ACVRL1: variants seen among roughly 807,000 people sequenced by gnomAD.
The protein encoded by ACVRL1 is activin receptor type-1-like.
In ACVRL1, 20 loss-of-function variants were observed where a neutral mutation model predicts 51.9. The ratio of observed to expected loss-of-function variants is 0.39; its 90% CI spans 0.27 to 0.56. The LOEUF is 0.56. Among genes scored for constraint, ACVRL1 ranks in the 20% least tolerant of loss-of-function variants. The pLI is 0.67. For missense variants in ACVRL1, 451 were observed against 670.3 expected (o/e 0.67, Z 3.61); for synonymous variants, 288 against 280.9 (o/e 1.03, Z -0.25).
At chr12:51,909,524 T>C (rs1184131406) in intron 1 of ACVRL1, among the ~76,000 whole-genome samples, 1 of 151,746 alleles carries the variant, frequency 6.6e-6, no homozygotes, top group Non-Finnish European at 1.5e-5. Flanking sequence ...AAAAACGCTG[T>C]CTTCATTTAA....
Position 51,916,810 on chromosome 12 carries a change from C to T in ACVRL1, c.1246+577C>T, listed in dbSNP as rs941602580. 3.3e-5 allele frequency among the ~76,000 whole-genome samples: 5 copies of T among 152,264 alleles called. No homozygotes were observed. The East Asian group carries it at 9.7e-4, about 29-fold the overall frequency. Reference sequence around the variant, plus strand: ...CCAACATGGCGAAACCCTGTCTGTACTAAAAATACAAAAATTAGCTGGCTG... The same window carrying T: ...CCAACATGGCGAAACCCTGTCTGTATTAAAAATACAAAAATTAGCTGGCTG... On this transcript the variant is annotated intron_variant, in intron 8 of 9. Transcript: ENST00000388922.
At chr12:51,912,146 A>G (rs912317495) in intron 1 of ACVRL1, among the ~76,000 whole-genome samples, 1 of 152,108 alleles carries the variant, frequency 6.6e-6, no homozygotes, top group Admixed American at 6.5e-5. Flanking sequence ...TTCTACCCCA[A>G]TTGGGTGCTC....
intron 8 of ACVRL1, among the ~76,000 whole-genome samples, chr12:51,916,989 A>G (rs190123047): frequency 6.6e-5 from 10 of 152,358 alleles, no homozygotes; most frequent in Non-Finnish European, 1.5e-5. Flanking sequence ...AAGAAAATTT[A>G]TTAAAATAAA....
rs1025236139 is a variant in ACVRL1, at chr12:51,917,951, T to C, written c.1247-1034T>C. ...ACTGATTAAAGGCCCATTAGACACA[T>C]TCAGGCCTCTGTGCAGCACTGATTA... On this transcript the variant is annotated intron_variant, in intron 8 of 9. Coordinates refer to ENST00000388922, the MANE Select transcript of ACVRL1 (RefSeq NM_000020.3). The surrounding 1 kb of genome is among the most constrained non-coding windows in gnomAD (Gnocchi z 4.2). 1.3e-5 allele frequency among the ~76,000 whole-genome samples: 2 copies of C among 152,198 alleles called. No individual in the cohort carries two copies. The highest frequency in any genetic ancestry group is 4.8e-5 in the African/African-American group (2 of 41,446).
At chr12:51,912,173 C>G (rs1221764367) in intron 1 of ACVRL1, among the ~76,000 whole-genome samples, 1 of 152,192 alleles carries the variant, frequency 6.6e-6, no homozygotes, top group Non-Finnish European at 1.5e-5. Flanking sequence ...GCTCTCCCAA[C>G]CTGCCTGCAG....
chr12:51,913,891 A>G lies in ACVRL1; in HGVS notation c.526-83A>G, dbSNP rs995890823. 3 of 1,571,082 alleles carry G rather than the reference A, an allele frequency of 1.9e-6. No individual in the cohort carries two copies. In the African/African-American group the frequency reaches 4.1e-5, roughly 21 times the overall value. ...CTGGGCGAGTGAGGAGCTTGCAGTG[A>G]CCCAGCAGGTCCCAGGTCGAGGATA... On this transcript the variant is annotated intron_variant, in intron 4 of 9. Transcript: ENST00000388922.
Position 51,919,170 on chromosome 12 carries a change from T to C in ACVRL1, c.1377+55T>C. The C allele has an allele frequency of 6.8e-6, 11 of 1,612,730 alleles. No homozygotes were observed. The highest frequency in any genetic ancestry group is 1.7e-4 in the Middle Eastern group (1 of 6,058). On this transcript the variant is annotated intron_variant, in intron 9 of 9. Transcript: ENST00000388922. Reference sequence around the variant, plus strand: ...TGGGGTGGTGGCTCATGGCTGGGATTTCTGGGCCCAGGAACTTGTGTCTGA... The same window carrying C: ...TGGGGTGGTGGCTCATGGCTGGGATCTCTGGGCCCAGGAACTTGTGTCTGA...
At chr12:51,915,839 C>T (rs1565594731) in intron 7 of ACVRL1, 197 bp from the exon 8 acceptor site, 2 of 665,046 alleles carry the variant, frequency 3.0e-6, no homozygotes, top group Non-Finnish European at 5.0e-6. Flanking sequence ...TTCTTGGGAA[C>T]CTAGAGAGCA....
intron 8 of ACVRL1, among the ~76,000 whole-genome samples, chr12:51,916,885 A>T (rs1438003279): frequency 6.6e-6 from 1 of 152,190 alleles, no homozygotes; most frequent in East Asian, 1.9e-4. Flanking sequence ...GAGGCAGGAG[A>T]ATCACTTGAA....
chr12:51,913,335 T>G lies in ACVRL1; in HGVS notation c.298T>G (p.Ser100Ala). 6.2e-7 allele frequency: 1 copy of G among 1,612,256 alleles called. No homozygotes were observed. Among genetic ancestry groups the G allele is most frequent in the South Asian group, 1.1e-5 (1 of 90,686 alleles). ...CAGCCACCTCTGCAACCACAACGTGTCCCTGGTGCTGGAGGGTACGTCCAG... is the reference window on the plus strand; with the variant it reads ...CAGCCACCTCTGCAACCACAACGTGGCCCTGGTGCTGGAGGGTACGTCCAG... ...CDSHLCNHNVSLVLEATQPPS... is the reference protein window; with the variant it reads ...CDSHLCNHNVALVLEATQPPS... The change falls in exon 3 of 10, where the codon TCC (serine) becomes GCC (alanine). Residue 100 changes from serine (S) to alanine (A), a missense_variant. Ser to Ala is a moderately conservative substitution (Grantham distance 99). This residue lies in a region of ACVRL1 where 192 missense variants were observed against 216.9 expected (regional missense o/e 0.89). Coordinates refer to ENST00000388922, the MANE Select transcript of ACVRL1 (RefSeq NM_000020.3).
rs139398194 is a variant in ACVRL1 at position 51,918,530 on chromosome 12, T to C, written c.1247-455T>C. Among the ~76,000 whole-genome samples, 1,038 of 152,316 alleles carry C rather than the reference T, an allele frequency of 6.8e-3. 10 individuals carry two copies. The highest frequency in any genetic ancestry group is 0.012 in the Admixed American group (191 of 15,310). Reference sequence around the variant, plus strand: ...TATTATTATCAGGCATGTGTGATAGTTGGGGCCTGGGAGCAGTCCCGGGCA... The same window carrying C: ...TATTATTATCAGGCATGTGTGATAGCTGGGGCCTGGGAGCAGTCCCGGGCA... On this transcript the variant is annotated intron_variant, in intron 8 of 9. Coordinates refer to ENST00000388922, the MANE Select transcript of ACVRL1 (RefSeq NM_000020.3).
intron 1 of ACVRL1, 35 bp from the exon 2 acceptor site, chr12:51,912,435 G>A: frequency 6.2e-7 from 1 of 1,611,854 alleles, no homozygotes. Flanking sequence ...CACACTTCAT[G>A]GCTCTTACTC....
At chr12:51,911,153 T>C (rs1210005135) in intron 1 of ACVRL1, among the ~76,000 whole-genome samples, 3 of 152,208 alleles carry the variant, frequency 2.0e-5, no homozygotes, top group Non-Finnish European at 4.4e-5. Flanking sequence ...GCTCCACCAT[T>C]CAGAAAGTCC....
chr12:51,917,451 G>A lies in ACVRL1; in HGVS notation c.1246+1218G>A, dbSNP rs538519367. On this transcript the variant is annotated intron_variant, in intron 8 of 9. Coordinates refer to ENST00000388922, the MANE Select transcript of ACVRL1 (RefSeq NM_000020.3). The surrounding 1 kb of genome is among the most constrained non-coding windows in gnomAD (Gnocchi z 4.2). ...GGAGTGGACGGAGGATAGGTGGGTCGTCTAGACTGGTGGGAGCATTGTCAA... is the reference window on the plus strand; with the variant it reads ...GGAGTGGACGGAGGATAGGTGGGTCATCTAGACTGGTGGGAGCATTGTCAA... Among the ~76,000 whole-genome samples the A allele has an allele frequency of 2.0e-5, 3 of 152,332 alleles. No homozygotes were observed. The highest frequency in any genetic ancestry group is 2.1e-4 in the South Asian group (1 of 4,818).
intron 6 of ACVRL1, 34 bp downstream of exon 6, chr12:51,914,619 G>C: frequency 6.3e-7 from 1 of 1,594,374 alleles, no homozygotes; most frequent in Non-Finnish European, 8.5e-7. Context: ...CAGGCCTGGG[G>C]CTTTGCCCCC....
intron 8 of ACVRL1, 69 bp downstream of exon 8, chr12:51,916,302 G>A: frequency 6.5e-7 from 1 of 1,547,172 alleles, no homozygotes. Context: ...TTCCAGCCAT[G>A]GCCAGTGCCC....
intron 5 of ACVRL1, 35 bp downstream of exon 5, chr12:51,914,108 A>T: frequency 6.3e-7 from 1 of 1,598,954 alleles, no homozygotes; most frequent in Non-Finnish European, 8.5e-7. Context: ...ATGAGGACCA[A>T]GGGCTCTCAT....
chr12:51,915,672 C>A, intron 7 of ACVRL1, 172 bp downstream of exon 7: 1 of 929,092 alleles, frequency 1.1e-6, no homozygotes, highest in Non-Finnish European at 1.6e-6. Context: ...CCTTTTCAAA[C>A]CCAGATTCCT....
chr12:51,919,189 T>C, intron 9 of ACVRL1, 74 bp downstream of exon 9: 1 of 1,605,630 alleles, frequency 6.2e-7, no homozygotes, highest in East Asian at 2.2e-5. Context: ...CAGGAACTTG[T>C]GTCTGAGGCC....
Sources: gnomAD v4.1 joint callset for allele counts (sites outside exome capture counted in the v4.1 genomes callset) on GRCh38, gnomAD v4.1.1 for gene constraint, gnomAD v4.1.1 regional missense constraint, Gnocchi (gnomAD v3.1) non-coding constraint, MANE v1.5 for transcripts, NCBI Gene and HGNC (gene_info 2026-07-23, HGNC 2026-07-21) for gene names.